The following NDUFV3 variants were observed in gnomAD, a reference collection of about 807,000 sequenced individuals.
The protein encoded by NDUFV3 is NADH dehydrogenase [ubiquinone] flavoprotein 3, mitochondrial.
A neutral mutation model predicts 37.5 loss-of-function variants in NDUFV3; 44 were observed. The ratio of observed to expected loss-of-function variants is 1.17; its 90% CI spans 0.92 to 1.51. The LOEUF (loss-of-function observed/expected upper bound fraction) is 1.51, where lower values mean the gene tolerates loss of function less well. Among genes scored for constraint, NDUFV3 ranks in the 40% most tolerant of loss-of-function variants. The probability of loss-of-function intolerance (pLI) is 0.00; values close to 1 mark genes in which losing one functional copy is unlikely to be tolerated. For synonymous variants in NDUFV3, 235 were observed against 239.3 expected (o/e 0.98, Z 0.17); for missense variants, 580 against 580.4 (o/e 1.00, Z 0.01).
At chr21:42,895,723 C>CA (rs776852427) in intron 1 of NDUFV3, among the ~76,000 whole-genome samples, 12 of 150,218 alleles carry the variant, frequency 8.0e-5, no homozygotes, top group Non-Finnish European at 1.6e-4. Flanking sequence ...TTGGAGACTA[C>CA]AAAAAAAATG....
At position 42,903,446 on chromosome 21, in the gene NDUFV3, G is replaced by A; in HGVS notation, c.434G>A (p.Gly145Asp). 1.2e-6 allele frequency: 2 copies of A among 1,614,088 alleles called. No individual in the cohort carries two copies. Among genetic ancestry groups the A allele is most frequent in the Non-Finnish European group, 1.7e-6 (2 of 1,179,944 alleles). ...QGSDSEARQV[G>D]RKVTSPSSSS... ...TCTGATTCAGAAGCTCGTCAGGTGG[G>A]TCGGAAAGTGACGTCGCCTTCGTCT... Residue 145 changes from glycine (G) to aspartate (D), a missense_variant, in exon 3 of 4, where the codon GGT becomes GAT. By Grantham distance (94) the Gly-to-Asp change is moderately conservative. Coordinates refer to ENST00000354250, the MANE Select transcript of NDUFV3 (RefSeq NM_021075.4).
chr21:42,901,558 C>T (rs1166081327), intron 2 of NDUFV3, among the ~76,000 whole-genome samples: 3 of 151,452 alleles, frequency 2.0e-5, no homozygotes, highest in Non-Finnish European at 2.9e-5. Context: ...CCGAGATTTG[C>T]ACCACTGCAC....
At position 42,893,312 on chromosome 21, in the gene NDUFV3, T is replaced by G. The variant is rs769302810; in HGVS notation, c.-22T>G. ...CGCGCGCAGCTGCTGTGGCCCTGCTTGGTGCGCCCGCTGTCACCGCCATGG... is the reference window on the plus strand; with the variant it reads ...CGCGCGCAGCTGCTGTGGCCCTGCTGGGTGCGCCCGCTGTCACCGCCATGG... On this transcript the variant is annotated 5_prime_UTR_variant, in exon 1 of 4. Transcript: ENST00000354250. The G allele has an allele frequency of 1.3e-6, 2 of 1,537,068 alleles. No individual in the cohort carries two copies. Among genetic ancestry groups the G allele is most frequent in the South Asian group, 2.4e-5 (2 of 83,930 alleles).
intron 1 of NDUFV3, among the ~76,000 whole-genome samples, chr21:42,894,664 C>T (rs939371717): frequency 6.9e-6 from 1 of 145,822 alleles, no homozygotes; most frequent in African/African-American, 2.6e-5. Context: ...GATTAAGCGA[C>T]TCTCGTGCCT....
intron 1 of NDUFV3, among the ~76,000 whole-genome samples, chr21:42,896,256 A>G (rs2058690678): frequency 6.9e-6 from 1 of 145,628 alleles, no homozygotes; most frequent in African/African-American, 2.6e-5. Flanking sequence ...TCCTGGGTCC[A>G]CGCCATTCTC....
At chr21:42,897,787 C>T (rs2058699985) in intron 2 of NDUFV3, among the ~76,000 whole-genome samples, 1 of 152,076 alleles carries the variant, frequency 6.6e-6, no homozygotes, top group African/African-American at 2.4e-5. Context: ...CACCATTCTC[C>T]TGCCTCGGCC....
intron 2 of NDUFV3, among the ~76,000 whole-genome samples, chr21:42,902,716 C>A (rs371624046): frequency 6.6e-6 from 1 of 152,040 alleles, no homozygotes; most frequent in Non-Finnish European, 1.5e-5. Flanking sequence ...AGTCTTAGGT[C>A]GGTAGTTTTG....
At chr21:42,899,531 G>A (rs1332030558) in intron 2 of NDUFV3, among the ~76,000 whole-genome samples, 1 of 152,034 alleles carries the variant, frequency 6.6e-6, no homozygotes, top group Non-Finnish European at 1.5e-5. Context: ...TGCAACCTCC[G>A]CCTCCTGGGT....
chr21:42,897,857 T>C (rs760708538), intron 2 of NDUFV3, among the ~76,000 whole-genome samples: 3 of 151,668 alleles, frequency 2.0e-5, no homozygotes, highest in Non-Finnish European at 4.4e-5. Flanking sequence ...TTTACATTTT[T>C]AGTAGAGGTG....
In NDUFV3 at chr21:42,903,265, T is replaced by A; in HGVS notation, c.253T>A (p.Ser85Thr). The change falls in exon 3 of 4, where the codon TCT (serine) becomes ACT (threonine). Residue 85 changes from serine to threonine, a missense_variant. Transcript: ENST00000354250. ...GTCTAAAAACTTATCTTCACCCAGT[T>A]CTTACCCGCCAGCTGTGAATAAGGG... ...ELSKNLSSPSSYPPAVNKGRK... is the reference protein window; with the variant it reads ...ELSKNLSSPSTYPPAVNKGRK... The A allele has an allele frequency of 1.9e-6, 3 of 1,614,158 alleles. No homozygotes were observed. Among genetic ancestry groups the A allele is most frequent in the Non-Finnish European group, 2.5e-6 (3 of 1,180,026 alleles).
In NDUFV3 at chr21:42,909,274, TG is replaced by T; in HGVS notation, c.*256del. The T allele has an allele frequency of 2.4e-6, 1 of 416,360 alleles. No individual in the cohort carries two copies. The highest frequency in any genetic ancestry group is 4.5e-6 in the Non-Finnish European group (1 of 222,654). 25.8% of individuals were successfully genotyped at this position (416,360 alleles called of 1,614,324 possible). Reference sequence around the variant, plus strand: ...CTCCCACCTCAGCCTCCCAAGTAGGTGGGATTACAGGTACTCACCACCAGGT... The same window carrying T: ...CTCCCACCTCAGCCTCCCAAGTAGGTGGATTACAGGTACTCACCACCAGGT... On this transcript the variant is annotated 3_prime_UTR_variant, in exon 4 of 4. Transcript: ENST00000354250.
intron 2 of NDUFV3, among the ~76,000 whole-genome samples, chr21:42,899,772 G>T (rs915066553): frequency 6.6e-5 from 10 of 152,020 alleles, no homozygotes; most frequent in Admixed American, 5.9e-4. Context: ...TAGAGACAGG[G>T]TTTCTGCATG....
chr21:42,904,130 A>C lies in NDUFV3; in HGVS notation c.1118A>C (p.Asp373Ala), dbSNP rs752106096. Residue 373 changes from aspartate to alanine, a missense_variant, in exon 3 of 4, where the codon GAT (aspartate) becomes GCT (alanine). Coordinates refer to ENST00000354250, the MANE Select transcript of NDUFV3 (RefSeq NM_021075.4). ...HLKGGQAIVE[D>A]QIPPSNLETV... ...AAGGGTGGACAGGCAATCGTGGAAG[A>C]TCAGATACCACCAAGCAATTTGGAG... 1.2e-6 allele frequency: 2 copies of C among 1,614,242 alleles called. No homozygotes were observed. Among genetic ancestry groups the C allele is most frequent in the East Asian group, 4.5e-5 (2 of 44,882 alleles).
rs776784856 is a variant in NDUFV3 at position 42,904,181 on chromosome 21, G to A, written c.1169G>A (p.Gly390Asp). ...LETVPVENNH[G>D]FHEKTAALKL... Reference sequence around the variant, plus strand: ...ACAGTTCCTGTTGAGAATAACCACGGTTTCCATGAAAAGACAGCAGCGCTG... The same window carrying A: ...ACAGTTCCTGTTGAGAATAACCACGATTTCCATGAAAAGACAGCAGCGCTG... The change falls in exon 3 of 4, where the codon GGT (glycine) becomes GAT (aspartate). Residue 390 changes from glycine to aspartate, a missense_variant. Coordinates refer to ENST00000354250, the MANE Select transcript of NDUFV3 (RefSeq NM_021075.4). 13 of 1,614,214 alleles carry A rather than the reference G, an allele frequency of 8.1e-6. No homozygotes were observed. In the South Asian group the frequency reaches 1.2e-4, roughly 15 times the overall value.
At chr21:42,904,417 C>A in intron 3 of NDUFV3, 141 bp downstream of exon 3, 1 of 1,125,596 alleles carries the variant, frequency 8.9e-7, no homozygotes, top group Non-Finnish European at 1.3e-6. Flanking sequence ...GCTGTCTCAG[C>A]CAGGCAGAAA....
At chr21:42,899,160 G>T (rs2058707302) in intron 2 of NDUFV3, among the ~76,000 whole-genome samples, 1 of 152,180 alleles carries the variant, frequency 6.6e-6, no homozygotes, top group Non-Finnish European at 1.5e-5. Flanking sequence ...TTGCTGGGTG[G>T]TTGTGAGACT....
intron 2 of NDUFV3, among the ~76,000 whole-genome samples, chr21:42,897,463 C>T (rs1180624344): frequency 1.3e-5 from 2 of 152,152 alleles, no homozygotes; most frequent in Non-Finnish European, 2.9e-5. Flanking sequence ...TGAGACCCAT[C>T]TGTGGTTTTC....
rs866630684 is a variant in NDUFV3 at position 42,894,564 on chromosome 21, T to A, written c.48+1183T>A. ...ATATAATATATAATATATATATATT[T>A]TTTTTTGAGACAGAGCCTCACTCTG... On this transcript the variant is annotated intron_variant, in intron 1 of 3. Coordinates refer to ENST00000354250, the MANE Select transcript of NDUFV3 (RefSeq NM_021075.4). 1.6e-3 allele frequency among the ~76,000 whole-genome samples: 190 copies of A among 119,044 alleles called. 1 individual carries two copies. Among genetic ancestry groups the A allele is most frequent in the South Asian group, 3.6e-3 (16 of 4,386 alleles). The allele number at this position is 119,044 out of a possible 152,430, so 78.1% of individuals were successfully genotyped here.
At chr21:42,906,926 G>T (rs766646844) in intron 3 of NDUFV3, 1 of 510,780 alleles carries the variant, frequency 2.0e-6, no homozygotes, top group East Asian at 5.5e-5. Flanking sequence ...TTTGCTTAAC[G>T]TAACTTAAAA....
Sources: gnomAD v4.1 joint callset for allele counts (sites outside exome capture counted in the v4.1 genomes callset) on GRCh38, gnomAD v4.1.1 for gene constraint, MANE v1.5 for transcripts, NCBI Gene and HGNC (gene_info 2026-07-23, HGNC 2026-07-21) for gene names.